The following AFDN variants were observed in gnomAD, a reference collection of about 807,000 sequenced individuals.
AFDN encodes afadin, adherens junction formation factor, also known as afadin.
Under a neutral mutation model 216.6 loss-of-function variants are expected in AFDN, and 68 were observed. The ratio of observed to expected loss-of-function variants is 0.31; its 90% confidence interval spans 0.26 to 0.38. The LOEUF is 0.38. Ranked by LOEUF, AFDN falls within the 10% of genes least tolerant of loss-of-function variation. AFDN has a pLI of 1.00. For synonymous variants in AFDN, 868 were observed against 853.7 expected, an observed-to-expected ratio of 1.02 and a Z score of -0.29; for missense variants, 2,136 against 2,342.0, an observed-to-expected ratio of 0.91 and a Z score of 1.82.
intron 21 of AFDN, among the ~76,000 whole-genome samples, chr6:167,919,816 G>A (rs1312419532): frequency 6.6e-6 from 1 of 152,202 alleles, no homozygotes; most frequent in East Asian, 1.9e-4. Flanking sequence ...GCTCAGATGA[G>A]TAGAAAGTTA....
chr6:167,961,112 A>T (rs555449764), intron 30 of AFDN, among the ~76,000 whole-genome samples: 1 of 152,148 alleles, frequency 6.6e-6, no homozygotes, highest in Non-Finnish European at 1.5e-5. Context: ...TCCAGCACTT[A>T]ACATTGTTAT....
At chr6:167,836,026 A>G (rs6901522) in intron 1 of AFDN, among the ~76,000 whole-genome samples, 3 of 152,070 alleles carry the variant, frequency 2.0e-5, no homozygotes, top group African/African-American at 4.8e-5. Flanking sequence ...TTTACGCATT[A>G]TATATTTTCT....
intron 3 of AFDN, among the ~76,000 whole-genome samples, chr6:167,871,749 C>G (rs1198106902): frequency 1.3e-5 from 2 of 152,196 alleles, no homozygotes; most frequent in African/African-American, 4.8e-5. Context: ...TATGGCTACT[C>G]TTAACAATTC....
At chr6:167,969,082 C>T in intron 32 of AFDN, 32 bp from the exon 33 acceptor site, 1 of 1,521,732 alleles carries the variant, frequency 6.6e-7, no homozygotes, top group Non-Finnish European at 9.1e-7. Flanking sequence ...TAATCAGGTA[C>T]TTTAACTTGT....
Position 167,962,994 on chromosome 6 carries a change from A to G in AFDN, c.4968+427A>G. ...ACAGTTGGCTGCCATTCAACATTTC[A>G]AATAGATGGTTTACTCAAATCACTC... On this transcript the variant is annotated intron_variant, in intron 31 of 33. Coordinates refer to ENST00000683244, the MANE Select transcript of AFDN (RefSeq NM_001386888.1). The surrounding 1 kb of genome is among the most constrained non-coding windows in gnomAD (Gnocchi z 5.2). 1 of 1,088,174 alleles carries G rather than the reference A, an allele frequency of 9.2e-7. No individual in the cohort carries two copies. The highest frequency in any genetic ancestry group is 1.1e-6 in the Non-Finnish European group (1 of 891,790). The allele number at this position is 1,088,174 out of a possible 1,614,324, so 67.4% of individuals were successfully genotyped here.
chr6:167,898,741 C>T (rs1404875228), intron 11 of AFDN, among the ~76,000 whole-genome samples: 1 of 151,976 alleles, frequency 6.6e-6, no homozygotes, highest in Non-Finnish European at 1.5e-5. Context: ...AGTACCTTTT[C>T]TTTTGTGAAA....
chr6:167,867,426 T>TC (rs1784302110), intron 2 of AFDN, among the ~76,000 whole-genome samples: 1 of 151,770 alleles, frequency 6.6e-6, no homozygotes, highest in African/African-American at 2.4e-5. Flanking sequence ...TTCTTTTTTT[T>TC]CTTTTCTTTT....
chr6:167,913,834 A>G, intron 16 of AFDN: 1 of 425,424 alleles, frequency 2.4e-6, no homozygotes, highest in South Asian at 3.1e-5. Flanking sequence ...ACATGTATGT[A>G]TACTGCACAG....
intron 30 of AFDN, among the ~76,000 whole-genome samples, chr6:167,959,124 G>C (rs926375707): frequency 2.0e-5 from 3 of 152,246 alleles, no homozygotes; most frequent in Admixed American, 1.3e-4. Flanking sequence ...GAGCCACACT[G>C]TCTTCCTTGT....
intron 1 of AFDN, among the ~76,000 whole-genome samples, chr6:167,841,059 A>C (rs746311653): frequency 3.3e-5 from 5 of 152,218 alleles, no homozygotes; most frequent in African/African-American, 4.8e-5. Flanking sequence ...GGAAGGAGAA[A>C]ATGAAACTGA....
intron 30 of AFDN, among the ~76,000 whole-genome samples, chr6:167,960,401 A>AATG (rs10640330): frequency 0.71 from 107,175 of 151,808 alleles, 38,390 homozygotes; most frequent in East Asian, 0.87. Context: ...AAATTATGAA[A>AATG]ATAATTGTTC....
At chr6:167,897,642 C>CTTTTTTTTTTTTTTT (rs57383020) in intron 10 of AFDN, among the ~76,000 whole-genome samples, 1 of 89,724 alleles carries the variant, frequency 1.1e-5, no homozygotes, top group African/African-American at 5.1e-5. Flanking sequence ...GACTGTATGC[C>CTTTTTTTTTTTTTTT]TTTTTTTTTT....
At chr6:167,927,938 G>C (rs915508385) in intron 23 of AFDN, among the ~76,000 whole-genome samples, 1 of 152,108 alleles carries the variant, frequency 6.6e-6, no homozygotes, top group Non-Finnish European at 1.5e-5. Context: ...TTACCCTACT[G>C]TACTCAAATC....
intron 23 of AFDN, among the ~76,000 whole-genome samples, chr6:167,927,761 G>T (rs895728332): frequency 1.3e-5 from 2 of 152,142 alleles, no homozygotes; most frequent in African/African-American, 4.8e-5. Flanking sequence ...CTTACTCCTG[G>T]TAAGGGTCCT....
intron 22 of AFDN, among the ~76,000 whole-genome samples, chr6:167,923,776 C>A (rs896522468): frequency 3.3e-5 from 5 of 152,016 alleles, no homozygotes; most frequent in African/African-American, 1.2e-4. Flanking sequence ...GTGCCCGCCA[C>A]CACACTTGGC....
In AFDN at chr6:167,948,530, C is replaced by T. The variant is rs546479611; in HGVS notation, c.3831+52C>T. On this transcript the variant is annotated intron_variant, in intron 29 of 33. Coordinates refer to ENST00000683244, the MANE Select transcript of AFDN (RefSeq NM_001386888.1). ...TTTCTCACCTCTCAAGGAGGACACACTGAGTTCTGAGACACAATTAATATT... is the reference window on the plus strand; with the variant it reads ...TTTCTCACCTCTCAAGGAGGACACATTGAGTTCTGAGACACAATTAATATT... 5 of 1,495,680 alleles carry T rather than the reference C, an allele frequency of 3.3e-6. No homozygotes were observed. The South Asian group carries it at 4.8e-5, about 14-fold the overall frequency. The allele number at this position is 1,495,680 out of a possible 1,614,324, so 92.7% of individuals were successfully genotyped here.
At chr6:167,947,458 C>T (rs1009739742) in intron 27 of AFDN, among the ~76,000 whole-genome samples, 14 of 152,162 alleles carry the variant, frequency 9.2e-5, no homozygotes, top group East Asian at 3.9e-4. Flanking sequence ...GGATTACAGG[C>T]TTGAGCCACC....
rs936878343 is a variant in AFDN at position 167,901,983 on chromosome 6, T to C, written c.1581-334T>C. Among the ~76,000 whole-genome samples, 15 of 151,506 alleles carry C rather than the reference T, an allele frequency of 9.9e-5. 1 individual carries two copies. Among genetic ancestry groups the C allele is most frequent in the South Asian group, 8.4e-4 (4 of 4,780 alleles). The stretch of plus-strand genomic sequence containing the variant: ...TGGCCCTTGTCTGTAATACCAGTTA[T>C]TTGGGAGGCTGAGGCAGGAGTATCA... On this transcript the variant is annotated intron_variant, in intron 11 of 33. Transcript: ENST00000683244.
chr6:167,833,976 C>T (rs953327691), intron 1 of AFDN, among the ~76,000 whole-genome samples: 62 of 152,112 alleles, frequency 4.1e-4, no homozygotes, highest in Non-Finnish European at 8.2e-4. Flanking sequence ...CATGATTTTA[C>T]ATAGGTTGCA....
Sources: gnomAD v4.1 joint callset for allele counts (sites outside exome capture counted in the v4.1 genomes callset) on GRCh38, gnomAD v4.1.1 for gene constraint, Gnocchi (gnomAD v3.1) non-coding constraint, MANE v1.5 for transcripts, NCBI Gene and HGNC (gene_info 2026-07-23, HGNC 2026-07-21) for gene names.